UBE2V2: variants seen among roughly 807,000 people sequenced by gnomAD.
UBE2V2 encodes ubiquitin conjugating enzyme E2 V2, also known as ubiquitin-conjugating enzyme E2 variant 2.
In UBE2V2, 9 loss-of-function variants were observed where a neutral mutation model predicts 17.2. The observed-to-expected ratio is 0.52, with a 90% CI of 0.32 to 0.91. The LOEUF (loss-of-function observed/expected upper bound fraction) is 0.91, where lower values mean the gene tolerates loss of function less well. UBE2V2 is among the 40% of genes least tolerant of loss of function. The pLI, the probability that UBE2V2 is intolerant of heterozygous loss-of-function variation, is 0.04. For missense variants in UBE2V2, 133 were observed against 182.6 expected (o/e 0.73, Z 1.56); for synonymous variants, 61 against 57.5 (o/e 1.06, Z -0.28).
In UBE2V2 at chr8:48,064,161, G is replaced by T. The variant is rs374981156; in HGVS notation, c.*3333G>T. The T allele has an allele frequency of 1.3e-4, 20 of 152,094 alleles. No homozygotes were observed. Among genetic ancestry groups the T allele is most frequent in the African/African-American group, 4.6e-4 (19 of 41,414 alleles). The allele number at this position is 152,094 out of a possible 1,614,324, so 9.4% of individuals were successfully genotyped here. A position where few individuals can be genotyped will look rare whatever the true frequency, so the allele number is the denominator to read the frequency against. On this transcript the variant is annotated 3_prime_UTR_variant, in exon 4 of 4. Transcript: ENST00000523111. ...TAGTATGCATAATAGGATTTTGGAG[G>T]CATTTCAGGAATTTTCCTTTTATAG...
At chr8:48,007,046 AATTTTTTGT>A (rs2091188089), upstream of UBE2V2, among the ~76,000 whole-genome samples, 1 of 150,584 alleles carries the variant, frequency 6.6e-6, no homozygotes, top group Non-Finnish European at 1.5e-5. Flanking sequence ...ATGCCTGGCT[AATTTTTTGT>A]ATTTTTTTTT....
upstream of UBE2V2, among the ~76,000 whole-genome samples, chr8:48,007,981 G>C (rs1310929617): frequency 6.6e-6 from 1 of 152,070 alleles, no homozygotes; most frequent in East Asian, 1.9e-4. Flanking sequence ...GGAGTGCAGT[G>C]GCGCAATCGC....
chr8:48,010,626 C>T (rs993553804), intron 1 of UBE2V2, among the ~76,000 whole-genome samples: 1 of 150,432 alleles, frequency 6.6e-6, no homozygotes, highest in Non-Finnish European at 1.5e-5. Flanking sequence ...TGGTCTTGAT[C>T]TCTTGACCTC....
At chr8:48,037,133 C>T (rs548559811) in intron 1 of UBE2V2, among the ~76,000 whole-genome samples, 14 of 152,342 alleles carry the variant, frequency 9.2e-5, no homozygotes, top group African/African-American at 3.1e-4. Context: ...GAGCCGAGAT[C>T]GTGCCATTGC....
chr8:48,018,606 G>A (rs958421344), intron 1 of UBE2V2, among the ~76,000 whole-genome samples: 1 of 152,136 alleles, frequency 6.6e-6, no homozygotes, highest in African/African-American at 2.4e-5. Flanking sequence ...TCCATGTGCA[G>A]CTTAAAATAA....
At chr8:48,006,582 C>A (rs2091184588), upstream of UBE2V2, among the ~76,000 whole-genome samples, 1 of 152,110 alleles carries the variant, frequency 6.6e-6, no homozygotes, top group African/African-American at 2.4e-5. Flanking sequence ...ATCAAAAAAG[C>A]TTATCCACCA....
At chr8:48,030,372 A>G (rs1263428774) in intron 1 of UBE2V2, among the ~76,000 whole-genome samples, 1 of 152,180 alleles carries the variant, frequency 6.6e-6, no homozygotes, top group Non-Finnish European at 1.5e-5. Context: ...TCTATGGTAC[A>G]GTTTCTTTCT....
chr8:48,006,580 A>C (rs2091184563), upstream of UBE2V2, among the ~76,000 whole-genome samples: 1 of 152,204 alleles, frequency 6.6e-6, no homozygotes, highest in Non-Finnish European at 1.5e-5. Context: ...ACATCAAAAA[A>C]GCTTATCCAC....
chr8:48,044,295 T>C (rs1032876322), intron 2 of UBE2V2, among the ~76,000 whole-genome samples: 3 of 152,032 alleles, frequency 2.0e-5, no homozygotes, highest in African/African-American at 7.3e-5. Flanking sequence ...TGAGGTGGTG[T>C]GCACCACCAC....
At chr8:48,008,333 G>T (rs866878906), upstream of UBE2V2, 22 of 1,328,588 alleles carry the variant, frequency 1.7e-5, no homozygotes, top group Middle Eastern at 2.5e-4. Context: ...CTGTCCCTCG[G>T]GTCGCCCCGC....
chr8:48,058,324 C>T (rs191332098), intron 3 of UBE2V2, among the ~76,000 whole-genome samples: 101 of 151,872 alleles, frequency 6.7e-4, no homozygotes, highest in Non-Finnish European at 1.0e-3. Flanking sequence ...AAAAATTAGC[C>T]GGGTATGGTG....
chr8:48,028,538 A>G (rs554580098), intron 1 of UBE2V2, among the ~76,000 whole-genome samples: 14 of 152,146 alleles, frequency 9.2e-5, no homozygotes, highest in Admixed American at 9.2e-4. Flanking sequence ...GGGTTTCACC[A>G]TGTTGGTCAG....
Position 48,023,063 on chromosome 8 carries a change from C to CT in UBE2V2, c.16+14594dup, listed in dbSNP as rs575818772. Among the ~76,000 whole-genome samples, 40 of 152,146 alleles carry CT rather than the reference C, an allele frequency of 2.6e-4. No individual in the cohort carries two copies. The East Asian group carries it at 6.8e-3, about 26-fold the overall frequency. ...CTTTTCTCTTGCTGCCTTGAGGATT[C>CT]TCTCTTTGTCTTTGATCTTTGACAG... On this transcript the variant is annotated intron_variant, in intron 1 of 3. Coordinates refer to ENST00000523111, the MANE Select transcript of UBE2V2 (RefSeq NM_003350.3).
At chr8:48,053,209 TG>T (rs2091550099) in intron 3 of UBE2V2, among the ~76,000 whole-genome samples, 1 of 152,004 alleles carries the variant, frequency 6.6e-6, no homozygotes, top group South Asian at 2.1e-4. Context: ...GTATCTTTAT[TG>T]ATGTTCCAAC....
intron 1 of UBE2V2, among the ~76,000 whole-genome samples, chr8:48,012,866 G>A (rs943822848): frequency 4.0e-5 from 6 of 151,670 alleles, no homozygotes; most frequent in African/African-American, 1.5e-4. Context: ...TTTCTTTCGG[G>A]ATGGAGTCTT....
chr8:48,010,086 A>G (rs545412027), intron 1 of UBE2V2, among the ~76,000 whole-genome samples: 54 of 152,316 alleles, frequency 3.5e-4, no homozygotes, highest in African/African-American at 1.3e-3. Flanking sequence ...AACACTATAC[A>G]TGAGTGTATG....
chr8:48,010,034 T>C (rs532873914), intron 1 of UBE2V2, among the ~76,000 whole-genome samples: 8 of 152,178 alleles, frequency 5.3e-5, no homozygotes, highest in Non-Finnish European at 1.2e-4. Flanking sequence ...ATACTTTTCA[T>C]TTTCCTTTTG....
At chr8:48,009,267 C>CTTTTTT (rs143794770) in intron 1 of UBE2V2, among the ~76,000 whole-genome samples, 7 of 133,790 alleles carry the variant, frequency 5.2e-5, no homozygotes, top group South Asian at 2.4e-4. Flanking sequence ...CTTTTCTTTT[C>CTTTTTT]TTTTTTTTTT....
chr8:48,050,058 TG>T, intron 3 of UBE2V2, 80 bp downstream of exon 3: 7 of 1,018,682 alleles, frequency 6.9e-6, no homozygotes, highest in African/African-American at 1.7e-5. Flanking sequence ...CCATAATATA[TG>T]TAAGATATTA....
Sources: gnomAD v4.1 joint callset for allele counts (sites outside exome capture counted in the v4.1 genomes callset) on GRCh38, gnomAD v4.1.1 for gene constraint, MANE v1.5 for transcripts, NCBI Gene and HGNC (gene_info 2026-07-23, HGNC 2026-07-21) for gene names.